DIS3: variants seen among roughly 807,000 people sequenced by gnomAD.
DIS3 encodes DIS3 exosome endoribonuclease and 3'-5' exoribonuclease, also known as exosome complex exonuclease RRP44.
A neutral mutation model predicts 113.0 loss-of-function variants in DIS3; 103 were observed. The observed-to-expected ratio is 0.91, with a 90% CI of 0.78 to 1.07. The LOEUF (loss-of-function observed/expected upper bound fraction) is 1.07, where lower values mean the gene tolerates loss of function less well. Ranked by LOEUF, DIS3 falls within the 50% of genes least tolerant of loss-of-function variation. DIS3 has a pLI of 0.00. For missense variants in DIS3, 1,121 were observed against 1,167.1 expected (o/e 0.96, Z 0.58); for synonymous variants, 402 against 394.3 (o/e 1.02, Z -0.23).
Position 72,768,787 on chromosome 13 carries a change from T to A in DIS3, c.1881A>T (p.Lys627Asn). The change falls in exon 14 of 21, where the codon AAA (lysine) becomes AAT (asparagine). Residue 627 changes from lysine to asparagine, a missense_variant and splice_region_variant. Physicochemically the swap from Lys to Asn is moderately conservative, Grantham distance 94. This residue lies in a region of DIS3 where 861 missense variants were observed against 915.5 expected (regional missense o/e 0.94). Transcript: ENST00000377767. ...AKILKKRRIEKGALTLSSPEV... is the reference protein window; with the variant it reads ...AKILKKRRIENGALTLSSPEV... ...ATACTATGAAAAACAAAATATACCC[T>A]TTTTCAATCCTTCTTTTCTTCAGAA... 1 of 1,593,602 alleles carries A rather than the reference T, an allele frequency of 6.3e-7. No homozygotes were observed. The highest frequency in any genetic ancestry group is 8.6e-7 in the Non-Finnish European group (1 of 1,169,290).
intron 15 of DIS3, among the ~76,000 whole-genome samples, chr13:72,765,394 A>G (rs951200888): frequency 2.0e-5 from 3 of 152,108 alleles, no homozygotes; most frequent in Non-Finnish European, 4.4e-5. Context: ...CCTACTATCT[A>G]TTATTCTATC....
rs1383740650 is a variant in DIS3 at position 72,775,300 on chromosome 13, T to C, written c.898A>G (p.Ser300Gly). The C allele has an allele frequency of 6.2e-7, 1 of 1,613,706 alleles. No homozygotes were observed. Among genetic ancestry groups the C allele is most frequent in the Non-Finnish European group, 8.5e-7 (1 of 1,179,782 alleles). The change falls in exon 6 of 21, where the codon AGT (serine) becomes GGT (glycine). Residue 300 changes from serine to glycine, a missense_variant. Transcript: ENST00000377767. ...DIVAVELLPK[S>G]QWVAPSSVVL... ...ACAGAAGATGGTGCTACCCACTGAC[T>C]CTTGGGGAGAAGCTCCACAGCCACA...
At position 72,779,191 on chromosome 13, in the gene DIS3, G is replaced by A. The variant is rs192199615; in HGVS notation, c.387-811C>T. Among the ~76,000 whole-genome samples, 20 of 151,016 alleles carry A rather than the reference G, an allele frequency of 1.3e-4. No homozygotes were observed. The East Asian group carries it at 2.9e-3, about 22-fold the overall frequency. On this transcript the variant is annotated intron_variant, in intron 2 of 20. Transcript: ENST00000377767. ...GCTGGAGTGCAGTGGCATGATCTCA[G>A]CTTACTGCAACCTCTACCTCCGGGT...
rs559776849 is a variant in DIS3, at chr13:72,761,401, T to G, written c.2632A>C (p.Lys878Gln). 6 of 1,608,858 alleles carry G rather than the reference T, an allele frequency of 3.7e-6. 1 individual carries two copies. The Admixed American group carries it at 6.9e-5, about 18-fold the overall frequency. The change falls in exon 19 of 21, where the codon AAG becomes CAG. Residue 878 changes from lysine to glutamine, a missense_variant. Physicochemically the swap from Lys to Gln is moderately conservative, Grantham distance 53. Coordinates refer to ENST00000377767, the MANE Select transcript of DIS3 (RefSeq NM_014953.5). ...ATAAGCTGTGGGTTTGGTTTGTCCT[T>G]TTCTTCAAAAAAGACTGTCCCTTCT... ...GLEGTVFFEEKDKPNPQLIYD... is the reference protein window; with the variant it reads ...GLEGTVFFEEQDKPNPQLIYD...
chr13:72,780,717 G>A (rs1414270655), intron 2 of DIS3, 129 bp downstream of exon 2: 2 of 926,500 alleles, frequency 2.2e-6, no homozygotes, highest in African/African-American at 1.7e-5. Context: ...GCACAGCCAT[G>A]TAAGAATTAA....
intron 14 of DIS3, 59 bp from the exon 15 acceptor site, chr13:72,766,117 T>C (rs908464108): frequency 1.2e-5 from 17 of 1,405,022 alleles, no homozygotes; most frequent in Middle Eastern, 1.8e-4. Flanking sequence ...GACAAAAGTA[T>C]AGAAATTATT....
chr13:72,761,462 C>G lies in DIS3; in HGVS notation c.2571G>C (p.Lys857Asn), dbSNP rs2033620809. Residue 857 changes from lysine (K) to asparagine (N), a missense_variant, in exon 19 of 21, where the codon AAG (lysine) becomes AAC (asparagine). Lys to Asn is a moderately conservative substitution (Grantham distance 94). Transcript: ENST00000377767. ...SEEAYILFVR[K>N]NAIVVLIPKY... ...TTGGAATTAATACCACAATGGCATT[C>G]TTTCTTACAAATAAAATATAGGCTT... The G allele has an allele frequency of 3.1e-6, 5 of 1,610,182 alleles. No individual in the cohort carries two copies. The highest frequency in any genetic ancestry group is 4.2e-6 in the Non-Finnish European group (5 of 1,178,646).
At chr13:72,762,278 A>G (rs2033645948) in intron 16 of DIS3, 141 bp from the exon 17 acceptor site, 1 of 751,558 alleles carries the variant, frequency 1.3e-6, no homozygotes, top group Non-Finnish European at 2.1e-6. Context: ...AGTAGTAGCC[A>G]GAAACAAAAC....
chr13:72,772,877 T>C (rs1449318665), intron 8 of DIS3, 38 bp from the exon 9 acceptor site: 2 of 1,547,408 alleles, frequency 1.3e-6, no homozygotes, highest in East Asian at 2.3e-5. Flanking sequence ...GCCTATTTTA[T>C]AGCAAATTTA....
At chr13:72,766,259 T>C (rs1338984769) in intron 14 of DIS3, among the ~76,000 whole-genome samples, 1 of 152,206 alleles carries the variant, frequency 6.6e-6, no homozygotes, top group Non-Finnish European at 1.5e-5. Context: ...TCAGTAGATT[T>C]AAAATGCATT....
intron 2 of DIS3, among the ~76,000 whole-genome samples, chr13:72,780,131 G>A: frequency 6.6e-6 from 1 of 151,672 alleles, no homozygotes; most frequent in East Asian, 1.9e-4. Context: ...TTCGAGACCA[G>A]CCTGACCAAC....
At chr13:72,775,780 C>CAAA in intron 5 of DIS3, 145 bp downstream of exon 5, 1 of 574,264 alleles carries the variant, frequency 1.7e-6, no homozygotes, top group Non-Finnish European at 2.6e-6. Context: ...GTGAGCACTG[C>CAAA]AAAAAAAAAA....
Position 72,772,249 on chromosome 13 carries a change from CCT to C in DIS3, c.1411_1412del (p.Arg471AlafsTer6). On this transcript the variant is annotated frameshift_variant, in exon 10 of 21. Coordinates refer to ENST00000377767, the MANE Select transcript of DIS3 (RefSeq NM_014953.5). LOFTEE classifies it high-confidence loss of function. ...EKDMKNREDL[R>X]HLCICSVDPP... ...GGTCTACACTACAAATACACAGATGCCTCAGGTCTTCTCGGTTTTTCATGTCC... is the reference window on the plus strand; with the variant it reads ...GGTCTACACTACAAATACACAGATGCCAGGTCTTCTCGGTTTTTCATGTCC... The C allele has an allele frequency of 6.2e-7, 1 of 1,612,552 alleles. No individual in the cohort carries two copies. Among genetic ancestry groups the C allele is most frequent in the South Asian group, 1.1e-5 (1 of 90,958 alleles).
At chr13:72,762,979 G>A (rs997050322) in intron 16 of DIS3, among the ~76,000 whole-genome samples, 1 of 152,124 alleles carries the variant, frequency 6.6e-6, no homozygotes, top group Admixed American at 6.5e-5. Flanking sequence ...TAAACATCCA[G>A]CTTTAGCATA....
At chr13:72,774,216 G>A (rs1040048542) in intron 6 of DIS3, among the ~76,000 whole-genome samples, 157 bp from the exon 7 acceptor site, 3 of 152,036 alleles carry the variant, frequency 2.0e-5, no homozygotes, top group African/African-American at 7.2e-5. Context: ...TTCTAGACAA[G>A]AACATGCATG....
intron 14 of DIS3, among the ~76,000 whole-genome samples, chr13:72,767,616 C>A (rs141289668): frequency 1.3e-5 from 2 of 152,080 alleles, no homozygotes; most frequent in African/African-American, 2.4e-5. Context: ...TCCAACAGAA[C>A]GTTCTGCAGT....
chr13:72,781,664 T>C lies in DIS3; in HGVS notation c.169A>G (p.Ser57Gly), dbSNP rs1392186276. 7 of 1,548,370 alleles carry C rather than the reference T, an allele frequency of 4.5e-6. No homozygotes were observed. The highest frequency in any genetic ancestry group is 6.1e-6 in the Non-Finnish European group (7 of 1,146,238). Residue 57 changes from serine to glycine, a missense_variant, in exon 1 of 21, where the codon AGC (serine) becomes GGC (glycine). Physicochemically the swap from Ser to Gly is moderately conservative, Grantham distance 56 (BLOSUM62 0). This residue lies in a region of DIS3 where 254 missense variants were observed against 232.2 expected (regional missense o/e 1.09). Coordinates refer to ENST00000377767, the MANE Select transcript of DIS3 (RefSeq NM_014953.5). ...TAGTGCGGTTGCGGGCAGACGCTGC[T>C]CGCCGGGTCCTGGGGCTGCGGCTCC... The part of the protein sequence containing the change: ...ALEPQPQDPA[S>G]SVCPQPHYLL...
At position 72,756,169 on chromosome 13, in the gene DIS3, A is replaced by G; in HGVS notation, c.*3626T>C. On this transcript the variant is annotated 3_prime_UTR_variant, in exon 21 of 21. Coordinates refer to ENST00000377767, the MANE Select transcript of DIS3 (RefSeq NM_014953.5). ...TCAACTTTTAAAAACTGTCTCATTC[A>G]AAAGGGAATAAAGACCTGTGTTATC... 2.0e-5 allele frequency: 2 copies of G among 99,864 alleles called. No individual in the cohort carries two copies. Among genetic ancestry groups the G allele is most frequent in the Non-Finnish European group, 3.1e-5 (2 of 63,564 alleles). 6.2% of individuals were successfully genotyped at this position (99,864 alleles called of 1,614,324 possible).
chr13:72,763,616 G>A lies in DIS3; in HGVS notation c.1971-9C>T. ...CCATGGAATTTGTTTCCCTGCCAAT[G>A]GAAAAAGCATTAAACAAACAAAAAA... On this transcript the variant is annotated splice_polypyrimidine_tract_variant and intron_variant, in intron 15 of 20. Transcript: ENST00000377767. 1 of 1,604,850 alleles carries A rather than the reference G, an allele frequency of 6.2e-7. No homozygotes were observed. The highest frequency in any genetic ancestry group is 8.5e-7 in the Non-Finnish European group (1 of 1,176,812).
Sources: gnomAD v4.1 joint callset for allele counts (sites outside exome capture counted in the v4.1 genomes callset) on GRCh38, gnomAD v4.1.1 for gene constraint, gnomAD v4.1.1 regional missense constraint, MANE v1.5 for transcripts, NCBI Gene and HGNC (gene_info 2026-07-23, HGNC 2026-07-21) for gene names.